SNTG1: variants seen among roughly 807,000 people sequenced by gnomAD.
SNTG1 encodes syntrophin gamma 1.
SNTG1 carries 39 observed loss-of-function variants against 74.7 expected under a neutral mutation model. The ratio of observed to expected loss-of-function variants is 0.52; its 90% CI spans 0.40 to 0.68. The LOEUF is 0.68. Ranked by LOEUF, SNTG1 falls within the 30% of genes least tolerant of loss-of-function variation. The pLI, the probability that SNTG1 is intolerant of heterozygous loss-of-function variation, is 0.00. For missense variants in SNTG1, 685 were observed against 609.5 expected (o/e 1.12, Z -1.30); for synonymous variants, 254 against 217.1 (o/e 1.17, Z -1.49).
At chr8:50,603,807 C>CT (rs1677985816) in intron 13 of SNTG1, among the ~76,000 whole-genome samples, 1 of 152,222 alleles carries the variant, frequency 6.6e-6, no homozygotes, top group African/African-American at 2.4e-5. Context: ...TCTTCTCTTA[C>CT]TTTTTTCCCA....
At chr8:50,450,626 G>T in intron 7 of SNTG1, 27 bp downstream of exon 7, 2 of 1,613,272 alleles carry the variant, frequency 1.2e-6, no homozygotes, top group Non-Finnish European at 1.7e-6. Flanking sequence ...TATATGTGTG[G>T]TCAAAACATT....
chr8:50,214,690 T>G (rs2084692996), intron 2 of SNTG1, among the ~76,000 whole-genome samples: 1 of 152,172 alleles, frequency 6.6e-6, no homozygotes, highest in Non-Finnish European at 1.5e-5. Context: ...GATTCAATAC[T>G]AAGCCTATAT....
intron 18 of SNTG1, among the ~76,000 whole-genome samples, chr8:50,755,365 T>C (rs2095577813): frequency 6.6e-6 from 1 of 151,796 alleles, no homozygotes; most frequent in Non-Finnish European, 1.5e-5. Context: ...ATAGTTACCC[T>C]TTTCATATTG....
At chr8:50,014,754 A>G (rs1220169778) in intron 1 of SNTG1, among the ~76,000 whole-genome samples, 1 of 152,116 alleles carries the variant, frequency 6.6e-6, no homozygotes, top group Admixed American at 6.6e-5. Context: ...TGTGACTCCT[A>G]GGAAAGCAGA....
At chr8:50,280,762 A>G (rs2088394784) in intron 2 of SNTG1, among the ~76,000 whole-genome samples, 1 of 152,124 alleles carries the variant, frequency 6.6e-6, no homozygotes, top group Non-Finnish European at 1.5e-5. Context: ...TTGTAGATGA[A>G]GTCTCATAGG....
chr8:50,562,988 A>G (rs2094496839), intron 12 of SNTG1, among the ~76,000 whole-genome samples: 2 of 152,212 alleles, frequency 1.3e-5, no homozygotes, highest in Non-Finnish European at 2.9e-5. Context: ...GTTGGCTCTC[A>G]GTGCCTGGAT....
intron 2 of SNTG1, among the ~76,000 whole-genome samples, chr8:50,256,327 A>C (rs1454307810): frequency 6.6e-6 from 1 of 152,138 alleles, no homozygotes; most frequent in African/African-American, 2.4e-5. Flanking sequence ...AAAAAGTGAA[A>C]GACTAGTCAT....
chr8:50,458,354 G>C (rs1289701174), intron 8 of SNTG1, among the ~76,000 whole-genome samples: 1 of 151,988 alleles, frequency 6.6e-6, no homozygotes, highest in Non-Finnish European at 1.5e-5. Flanking sequence ...AAGAGCTCTT[G>C]GATATTAACA....
chr8:50,737,719 G>A (rs961915950), intron 17 of SNTG1, among the ~76,000 whole-genome samples: 6 of 152,088 alleles, frequency 3.9e-5, no homozygotes, highest in African/African-American at 7.2e-5. Flanking sequence ...CCATGATCAC[G>A]TCGGCTTCAT....
At chr8:50,488,062 A>T (rs2093814632) in intron 8 of SNTG1, among the ~76,000 whole-genome samples, 1 of 152,178 alleles carries the variant, frequency 6.6e-6, no homozygotes, top group African/African-American at 2.4e-5. Flanking sequence ...GAAAGAAGCT[A>T]CTTAGTCCAT....
intron 17 of SNTG1, among the ~76,000 whole-genome samples, chr8:50,713,064 A>G (rs552801089): frequency 4.4e-4 from 67 of 152,298 alleles, no homozygotes; most frequent in African/African-American, 1.6e-3. Flanking sequence ...TAGGTCCTTG[A>G]GGAATCACCA....
chr8:49,959,932 C>A (rs536190904), intron 1 of SNTG1, among the ~76,000 whole-genome samples: 1 of 152,258 alleles, frequency 6.6e-6, no homozygotes, highest in Non-Finnish European at 1.5e-5. Context: ...AACCCTTATG[C>A]TTTTGAGATT....
intron 15 of SNTG1, among the ~76,000 whole-genome samples, chr8:50,666,979 G>A (rs10958023): frequency 0.31 from 46,927 of 151,142 alleles, 8,573 homozygotes; most frequent in African/African-American, 0.51. Context: ...TTCTTTTATC[G>A]CAACTGCTTG....
chr8:50,277,650 T>C (rs778995923), intron 2 of SNTG1, among the ~76,000 whole-genome samples: 3 of 152,176 alleles, frequency 2.0e-5, no homozygotes, highest in Non-Finnish European at 4.4e-5. Context: ...TGCAGAGGTG[T>C]AGGTATTCTA....
At chr8:50,477,410 G>GA (rs767638906) in intron 8 of SNTG1, among the ~76,000 whole-genome samples, 14 of 150,802 alleles carry the variant, frequency 9.3e-5, no homozygotes, top group South Asian at 4.2e-4. Flanking sequence ...CTAATTATGA[G>GA]AAAAAAAATC....
intron 18 of SNTG1, among the ~76,000 whole-genome samples, chr8:50,779,232 C>T (rs2095650838): frequency 6.6e-6 from 1 of 152,114 alleles, no homozygotes; most frequent in Admixed American, 6.5e-5. Context: ...TTTTCCAATT[C>T]TGTGAAGAAA....
intron 2 of SNTG1, among the ~76,000 whole-genome samples, chr8:50,297,731 T>C (rs2089453555): frequency 6.6e-6 from 1 of 152,106 alleles, no homozygotes; most frequent in Non-Finnish European, 1.5e-5. Context: ...TCACTGTTAT[T>C]TCTGGAGTTT....
intron 11 of SNTG1, among the ~76,000 whole-genome samples, chr8:50,538,651 G>A (rs1186563133): frequency 6.6e-6 from 1 of 151,616 alleles, no homozygotes; most frequent in Non-Finnish European, 1.5e-5. Context: ...TATGACGTAT[G>A]TTGGCACATA....
At chr8:50,161,621 A>T (rs2082418414) in intron 1 of SNTG1, among the ~76,000 whole-genome samples, 1 of 152,112 alleles carries the variant, frequency 6.6e-6, no homozygotes. Context: ...CTGTATGTGT[A>T]TCTGGAGTTC....
Sources: gnomAD v4.1 joint callset for allele counts (sites outside exome capture counted in the v4.1 genomes callset) on GRCh38, gnomAD v4.1.1 for gene constraint, MANE v1.5 for transcripts, NCBI Gene and HGNC (gene_info 2026-07-23, HGNC 2026-07-21) for gene names.